Variants in FSTL5 observed in about 807,000 individuals in gnomAD.
FSTL5 encodes the protein follistatin like 5, also known as follistatin-related protein 5.
Under a neutral mutation model 89.1 loss-of-function variants are expected in FSTL5, and 62 were observed. The observed-to-expected ratio is 0.70, with a 90% CI of 0.57 to 0.86. The LOEUF is 0.86. Ranked by LOEUF, FSTL5 falls within the 40% of genes least tolerant of loss-of-function variation. The pLI, the probability that FSTL5 is intolerant of heterozygous loss-of-function variation, is 0.00. For missense variants in FSTL5, 1,057 were observed against 1,001.6 expected, an observed-to-expected ratio of 1.06 and a Z score of -0.75; for synonymous variants, 383 against 346.2, an observed-to-expected ratio of 1.11 and a Z score of -1.18.
chr4:161,556,828 A>ATG (rs150645678), intron 8 of FSTL5, among the ~76,000 whole-genome samples: 4,403 of 147,410 alleles, frequency 0.03, 187 homozygotes, highest in African/African-American at 0.097. Flanking sequence ...TTATATATAT[A>ATG]TGTGTGTGTG....
chr4:162,152,929 T>C (rs1282295361), intron 1 of FSTL5, among the ~76,000 whole-genome samples: 2 of 151,452 alleles, frequency 1.3e-5, no homozygotes, highest in African/African-American at 4.8e-5. Context: ...AAATGAAAGC[T>C]AATTTTCATT....
intron 1 of FSTL5, among the ~76,000 whole-genome samples, chr4:162,143,736 ACACAC>A (rs1732842893): frequency 7.6e-6 from 1 of 131,834 alleles, no homozygotes; most frequent in African/African-American, 2.9e-5. Context: ...ACACACACAC[ACACAC>A]ACACACACCC....
At chr4:162,101,330 T>G (rs564550971) in intron 2 of FSTL5, among the ~76,000 whole-genome samples, 44 of 152,356 alleles carry the variant, frequency 2.9e-4, no homozygotes, top group Non-Finnish European at 5.9e-4. Context: ...GAACTTGATT[T>G]GAACTGTTTT....
chr4:162,006,964 C>T (rs1395755939), intron 3 of FSTL5, among the ~76,000 whole-genome samples: 1 of 151,798 alleles, frequency 6.6e-6, no homozygotes, highest in Non-Finnish European at 1.5e-5. Flanking sequence ...CATCTGCTAA[C>T]GTTCCATGTT....
intron 13 of FSTL5, among the ~76,000 whole-genome samples, chr4:161,472,213 G>A (rs1343009102): frequency 2.0e-5 from 3 of 152,040 alleles, no homozygotes; most frequent in African/African-American, 7.2e-5. Flanking sequence ...TCCTGACCTC[G>A]TGATCTGCCC....
At chr4:161,424,479 T>G (rs543486862) in intron 15 of FSTL5, among the ~76,000 whole-genome samples, 1 of 151,886 alleles carries the variant, frequency 6.6e-6, no homozygotes, top group Admixed American at 6.6e-5. Flanking sequence ...GTAGAAGACT[T>G]GCATTTTTGT....
intron 3 of FSTL5, among the ~76,000 whole-genome samples, chr4:162,023,563 T>C (rs933220394): frequency 6.6e-6 from 1 of 152,134 alleles, no homozygotes; most frequent in Admixed American, 6.6e-5. Flanking sequence ...CCTTGGTACT[T>C]TACATTTCCA....
intron 6 of FSTL5, among the ~76,000 whole-genome samples, chr4:161,702,790 T>G (rs1738441746): frequency 6.6e-6 from 1 of 152,108 alleles, no homozygotes; most frequent in Non-Finnish European, 1.5e-5. Flanking sequence ...CAGCAACTAG[T>G]ACAAAGCTGA....
At chr4:161,920,290 G>C (rs1209880067) in intron 4 of FSTL5, 114 bp downstream of exon 4, 1 of 1,025,026 alleles carries the variant, frequency 9.8e-7, no homozygotes, top group South Asian at 1.6e-5. Flanking sequence ...GCTATTTTGT[G>C]TTTCTTTTCC....
chr4:161,450,996 G>A (rs963966832), intron 15 of FSTL5, among the ~76,000 whole-genome samples: 2 of 151,962 alleles, frequency 1.3e-5, no homozygotes, highest in African/African-American at 2.4e-5. Context: ...TGCCCGCCTC[G>A]GCCTCCCAAA....
chr4:162,117,283 C>G (rs959454791), intron 1 of FSTL5, among the ~76,000 whole-genome samples: 1 of 152,292 alleles, frequency 6.6e-6, no homozygotes, highest in African/African-American at 2.4e-5. Context: ...TAGTGTAGCA[C>G]CTGTACCAGA....
chr4:162,049,816 T>C (rs1438156233), intron 2 of FSTL5, among the ~76,000 whole-genome samples: 1 of 152,006 alleles, frequency 6.6e-6, no homozygotes, highest in Non-Finnish European at 1.5e-5. Flanking sequence ...ATAAGCATGA[T>C]GACTATACTT....
intron 15 of FSTL5, among the ~76,000 whole-genome samples, chr4:161,393,770 A>T (rs1730904242): frequency 6.6e-6 from 1 of 152,164 alleles, no homozygotes. Context: ...TTGCAAATGT[A>T]TGCTTCCTGA....
chr4:161,687,236 T>A (rs1325313551), intron 6 of FSTL5, among the ~76,000 whole-genome samples: 5 of 152,182 alleles, frequency 3.3e-5, no homozygotes, highest in African/African-American at 1.2e-4. Flanking sequence ...CAAATAATTT[T>A]GTCATTCATT....
intron 10 of FSTL5, among the ~76,000 whole-genome samples, chr4:161,517,800 T>C (rs1730892335): frequency 6.6e-6 from 1 of 152,166 alleles, no homozygotes; most frequent in Non-Finnish European, 1.5e-5. Context: ...CATTTTTTGA[T>C]AAAATGAACT....
intron 3 of FSTL5, among the ~76,000 whole-genome samples, chr4:161,997,709 A>G (rs1736339308): frequency 6.8e-6 from 1 of 147,354 alleles, no homozygotes; most frequent in African/African-American, 2.5e-5. Flanking sequence ...GGTGCACGCT[A>G]TTCTCCTATC....
intron 7 of FSTL5, among the ~76,000 whole-genome samples, chr4:161,624,920 A>G (rs1735263344): frequency 1.3e-5 from 2 of 152,134 alleles, no homozygotes; most frequent in African/African-American, 2.4e-5. Context: ...GCAGCAGAGA[A>G]GCCGGTGCTA....
chr4:161,541,091 C>T (rs1560944989), intron 9 of FSTL5, among the ~76,000 whole-genome samples: 1 of 152,100 alleles, frequency 6.6e-6, no homozygotes, highest in Non-Finnish European at 1.5e-5. Flanking sequence ...GGACTTCACA[C>T]ACAAACACTA....
At chr4:161,987,459 T>C (rs1184547885) in intron 3 of FSTL5, among the ~76,000 whole-genome samples, 5 of 145,532 alleles carry the variant, frequency 3.4e-5, no homozygotes, top group African/African-American at 1.0e-4. Context: ...CAGCTCACTT[T>C]ATATATATAT....
Sources: gnomAD v4.1 joint callset for allele counts (sites outside exome capture counted in the v4.1 genomes callset) on GRCh38, gnomAD v4.1.1 for gene constraint, MANE v1.5 for transcripts, NCBI Gene and HGNC (gene_info 2026-07-23, HGNC 2026-07-21) for gene names.